The following SNRNP35 variants were observed in gnomAD, a reference collection of about 807,000 sequenced individuals.
SNRNP35 encodes small nuclear ribonucleoprotein U11/U12 subunit 35.
Under a neutral mutation model 24.3 loss-of-function variants are expected in SNRNP35, and 16 were observed. The observed-to-expected ratio is 0.66, with a 90% CI of 0.45 to 1.00. SNRNP35 has a LOEUF of 1.00. Among genes scored for constraint, SNRNP35 ranks in the 50% least tolerant of loss-of-function variants. The pLI is 0.00. For missense variants in SNRNP35, 292 were observed against 327.2 expected (o/e 0.89, Z 0.83); for synonymous variants, 106 against 124.8 (o/e 0.85, Z 1.00).
In SNRNP35 at chr12:123,460,048, C is replaced by T. The variant is rs1880516753; in HGVS notation, c.-4+1832C>T. On this transcript the variant is annotated intron_variant, in intron 1 of 1. Transcript: ENST00000526639. ...TAATATCAGTTTTATTTGGTAGATC[C>T]TTGTGACTCCTGACTTCAAATGATC... The T allele has an allele frequency of 4.8e-6, 3 of 626,190 alleles. No individual in the cohort carries two copies. The East Asian group carries it at 8.6e-5, about 18-fold the overall frequency. 38.8% of individuals were successfully genotyped at this position (626,190 alleles called of 1,614,324 possible). A position where few individuals can be genotyped will look rare whatever the true frequency, so the allele number is the denominator to read the frequency against.
chr12:123,466,548 T>A lies in SNRNP35; in HGVS notation c.*267T>A. 1 of 265,804 alleles carries A rather than the reference T, an allele frequency of 3.8e-6. No homozygotes were observed. The highest frequency in any genetic ancestry group is 6.7e-6 in the Non-Finnish European group (1 of 149,286). The allele number at this position is 265,804 out of a possible 1,614,324, so 16.5% of individuals were successfully genotyped here. On this transcript the variant is annotated 3_prime_UTR_variant, in exon 2 of 2. Coordinates refer to ENST00000526639, the MANE Select transcript of SNRNP35 (RefSeq NM_022717.4). ...CTGTACAGAAGGGCATTTTCTTTTCTTTTCTTTTTTTTTTTTTTGAGACAG... is the reference window on the plus strand; with the variant it reads ...CTGTACAGAAGGGCATTTTCTTTTCATTTCTTTTTTTTTTTTTTGAGACAG...
At chr12:123,467,595 T>C (rs1225356614), downstream of SNRNP35, among the ~76,000 whole-genome samples, 1 of 152,232 alleles carries the variant, frequency 6.6e-6, no homozygotes. Context: ...AGCATTTTGA[T>C]AAATGGCCGT....
chr12:123,472,254 C>T (rs944581854), exon 2 of SNRNP35: 14 of 355,176 alleles, frequency 3.9e-5, no homozygotes, highest in Non-Finnish European at 6.2e-5. Flanking sequence ...CTGAAGTTAA[C>T]GCAGAAGTCT....
At chr12:123,461,989 G>A (rs1453120140) in intron 1 of SNRNP35, among the ~76,000 whole-genome samples, 2 of 152,136 alleles carry the variant, frequency 1.3e-5, no homozygotes, top group Non-Finnish European at 2.9e-5. Flanking sequence ...CAAGATGCTG[G>A]GATTACTGGC....
At chr12:123,458,830 G>C (rs570478527) in intron 1 of SNRNP35, 1 of 152,260 alleles carries the variant, frequency 6.6e-6, no homozygotes, top group South Asian at 2.1e-4. Flanking sequence ...TCCTGTCCTC[G>C]TGATCCACCC....
At chr12:123,463,284 A>G (rs1880734010) in intron 1 of SNRNP35, among the ~76,000 whole-genome samples, 1 of 150,976 alleles carries the variant, frequency 6.6e-6, no homozygotes, top group Non-Finnish European at 1.5e-5. Flanking sequence ...CTGGTCTCCA[A>G]CTCCTGAGCT....
At chr12:123,459,699 A>T in intron 1 of SNRNP35, 3 of 628,764 alleles carry the variant, frequency 4.8e-6, no homozygotes, top group South Asian at 4.1e-5. Flanking sequence ...GAGGCAGGAG[A>T]ATCACTTGAA....
At chr12:123,472,340 G>C (rs1465278727) in exon 2 of SNRNP35, 3 of 575,724 alleles carry the variant, frequency 5.2e-6, no homozygotes, top group Non-Finnish European at 9.2e-6. Flanking sequence ...GATAGCCCTG[G>C]GTATAAATAA....
chr12:123,472,660 TATCTC>T (rs1373554745), exon 2 of SNRNP35: 2 of 1,599,120 alleles, frequency 1.3e-6, no homozygotes, highest in Non-Finnish European at 1.7e-6. Flanking sequence ...AGGCGCTTCT[TATCTC>T]GGGAGAAGAA....
chr12:123,459,788 A>C, intron 1 of SNRNP35: 1 of 1,520,558 alleles, frequency 6.6e-7, no homozygotes, highest in Non-Finnish European at 8.9e-7. Flanking sequence ...CTTTGTCTCG[A>C]GTAAAAAAAG....
At chr12:123,459,926 TGA>T (rs752005363) in intron 1 of SNRNP35, 13 of 1,410,148 alleles carry the variant, frequency 9.2e-6, no homozygotes, top group Middle Eastern at 1.7e-4. Flanking sequence ...AGCATGCAGA[TGA>T]GAGAGAGAAC....
chr12:123,466,038 TA>T lies in SNRNP35; in HGVS notation c.500del (p.Asn167ThrfsTer106). The part of the protein sequence containing the change: ...GRDRPFRKPI[N>X]LPVVKNDLYR... ...GGGACCGGCCTTTTCGAAAACCTAT[TA>T]ACTTGCCAGTTGTTAAAAACGACCT... is the stretch of plus-strand genomic sequence containing the variant. On this transcript the variant is annotated frameshift_variant, in exon 2 of 2. Transcript: ENST00000526639. LOFTEE classifies it high-confidence loss of function. 6.2e-7 allele frequency: 1 copy of T among 1,614,024 alleles called. No homozygotes were observed. Among genetic ancestry groups the T allele is most frequent in the East Asian group, 2.2e-5 (1 of 44,876 alleles).
At chr12:123,459,971 C>A in intron 1 of SNRNP35, 1 of 1,002,976 alleles carries the variant, frequency 1.0e-6, no homozygotes, top group East Asian at 2.5e-5. Context: ...TAATTCTCCT[C>A]CATTTTAATT....
chr12:123,459,741 TTG>T, intron 1 of SNRNP35: 1 of 1,011,882 alleles, frequency 9.9e-7, no homozygotes, highest in Non-Finnish European at 1.5e-6. Flanking sequence ...TGAGCCGAGA[TTG>T]GCCATTGCAC....
At chr12:123,463,906 G>T (rs1279009739) in intron 1 of SNRNP35, among the ~76,000 whole-genome samples, 1 of 150,034 alleles carries the variant, frequency 6.7e-6, no homozygotes, top group Non-Finnish European at 1.5e-5. Flanking sequence ...TGGGATTAAG[G>T]CGCCCACCTA....
intron 1 of SNRNP35, among the ~76,000 whole-genome samples, chr12:123,461,661 T>C (rs75113312): frequency 0.024 from 3,590 of 152,206 alleles, 76 homozygotes; most frequent in Admixed American, 0.063. Context: ...AACAGTGTCA[T>C]GTCCTGTTCT....
downstream of SNRNP35, among the ~76,000 whole-genome samples, chr12:123,467,501 G>A (rs752109874): frequency 1.3e-5 from 2 of 152,184 alleles, no homozygotes; most frequent in Non-Finnish European, 1.5e-5. Flanking sequence ...TGGGGTGCTC[G>A]AGAGCTAGAT....
rs752007942 is a variant in SNRNP35, at chr12:123,472,580, G to C, written n.1587G>C. 2.6e-6 allele frequency: 4 copies of C among 1,556,402 alleles called. No homozygotes were observed. The Admixed American group carries it at 7.8e-5, about 30-fold the overall frequency. ...CTTCCTGTCCTTGCTCTGTGTAACC[G>C]TCATCGCGGTGGGTGTTTGCCCACT... is the stretch of plus-strand genomic sequence containing the variant. On this transcript the variant is annotated non_coding_transcript_exon_variant, in exon 2 of 2. Transcript: ENST00000527158.
chr12:123,467,551 T>C (rs1364411659), downstream of SNRNP35, among the ~76,000 whole-genome samples: 2 of 152,214 alleles, frequency 1.3e-5, no homozygotes, highest in African/African-American at 4.8e-5. Flanking sequence ...GCAAGTACCA[T>C]ACTGTTCGGA....
Sources: allele counts gnomAD v4.1 joint callset (sites outside exome capture counted in the v4.1 genomes callset), GRCh38; gene constraint gnomAD v4.1.1; transcripts MANE v1.5; gene names NCBI Gene and HGNC (gene_info 2026-07-23, HGNC 2026-07-21).